CCNJL: variants seen among roughly 807,000 people sequenced by gnomAD.
CCNJL encodes cyclin J like.
A neutral mutation model predicts 33.4 loss-of-function variants in CCNJL; 33 were observed. The observed-to-expected ratio is 0.99, with a 90% CI of 0.75 to 1.32. The LOEUF (loss-of-function observed/expected upper bound fraction) is 1.32. CCNJL is among the 40% of genes most tolerant of loss of function. The pLI is 0.00. For synonymous variants in CCNJL, 227 were observed against 220.9 expected (o/e 1.03, Z -0.24); for missense variants, 512 against 499.7 (o/e 1.02, Z -0.23).
chr5:160,305,471 C>T (rs538854944), intron 2 of CCNJL, among the ~76,000 whole-genome samples: 3 of 152,292 alleles, frequency 2.0e-5, no homozygotes, highest in South Asian at 2.1e-4. Context: ...CAAATAAAGG[C>T]GACCTTGGCC....
At chr5:160,302,065 A>G (rs1403416787) in intron 2 of CCNJL, among the ~76,000 whole-genome samples, 1 of 152,188 alleles carries the variant, frequency 6.6e-6, no homozygotes, top group Admixed American at 6.5e-5. Context: ...ACATGAGTAT[A>G]TACATTTGTC....
intron 2 of CCNJL, among the ~76,000 whole-genome samples, chr5:160,307,153 C>T (rs553860949): frequency 3.6e-4 from 55 of 152,340 alleles, no homozygotes; most frequent in African/African-American, 1.3e-3. Flanking sequence ...GGGGCTGTCT[C>T]ACTCTTTTGT....
rs1188367730 is a variant in CCNJL at position 160,302,177 on chromosome 5, C to A, written c.66+9681G>T. 2.0e-5 allele frequency among the ~76,000 whole-genome samples: 3 copies of A among 152,120 alleles called. No homozygotes were observed. The East Asian group carries it at 5.8e-4, about 29-fold the overall frequency. Reference sequence around the variant, plus strand: ...TTTTAAAAAATGAATAAGCAGTCCCCTAAATATCCAACAATGAGATGAGTT... The same window carrying A: ...TTTTAAAAAATGAATAAGCAGTCCCATAAATATCCAACAATGAGATGAGTT... On this transcript the variant is annotated intron_variant, in intron 2 of 5. Transcript: ENST00000257536.
At chr5:160,301,280 G>C (rs918635046) in intron 2 of CCNJL, among the ~76,000 whole-genome samples, 1 of 152,160 alleles carries the variant, frequency 6.6e-6, no homozygotes, top group Non-Finnish European at 1.5e-5. Flanking sequence ...AAAAGGAGCA[G>C]GCAGAAAGGA....
chr5:160,323,699 G>A (rs1224196994), intron 1 of CCNJL, among the ~76,000 whole-genome samples: 2 of 152,302 alleles, frequency 1.3e-5, no homozygotes, highest in South Asian at 2.1e-4. Flanking sequence ...TTAGTTAAAC[G>A]CTGATCTGGG....
chr5:160,287,648 G>A (rs147083445), intron 2 of CCNJL, among the ~76,000 whole-genome samples: 4 of 152,328 alleles, frequency 2.6e-5, no homozygotes, highest in Non-Finnish European at 4.4e-5. Context: ...CCGCAGCAGC[G>A]CAGTGCAGGA....
In CCNJL at chr5:160,300,090, T is replaced by C. The variant is rs186078496; in HGVS notation, c.66+11768A>G. ...CCCCCAACCCTTCCACCCAAATCAC[T>C]TGATGACCACTTCCAGACTTAGCAG... On this transcript the variant is annotated intron_variant, in intron 2 of 5. Coordinates refer to ENST00000257536, the MANE Select transcript of CCNJL (RefSeq NM_001308173.3). 2.0e-3 allele frequency among the ~76,000 whole-genome samples: 297 copies of C among 152,184 alleles called. 3 individuals are homozygous for C. The highest frequency in any genetic ancestry group is 6.7e-3 in the African/African-American group (276 of 41,498).
At chr5:160,298,675 A>G (rs903456105) in intron 2 of CCNJL, among the ~76,000 whole-genome samples, 1 of 151,442 alleles carries the variant, frequency 6.6e-6, no homozygotes, top group Admixed American at 6.5e-5. Flanking sequence ...TCTGGGAGTC[A>G]GGGACGGCTT....
At chr5:160,338,565 A>G (rs549761657) in intron 1 of CCNJL, among the ~76,000 whole-genome samples, 1 of 152,308 alleles carries the variant, frequency 6.6e-6, no homozygotes, top group Non-Finnish European at 1.5e-5. Flanking sequence ...ATTAAGAAAG[A>G]GAAGGATTGG....
intron 3 of CCNJL, among the ~76,000 whole-genome samples, chr5:160,264,176 C>T (rs745827020): frequency 2.0e-4 from 30 of 152,112 alleles, no homozygotes; most frequent in South Asian, 4.1e-4. Flanking sequence ...CTGCCCGCCC[C>T]GGCCTCCCCA....
intron 1 of CCNJL, among the ~76,000 whole-genome samples, chr5:160,321,265 C>T (rs1763460089): frequency 6.6e-6 from 1 of 151,994 alleles, no homozygotes; most frequent in African/African-American, 2.4e-5. Context: ...AAATAAAAGG[C>T]ACCATTAACT....
upstream of CCNJL, among the ~76,000 whole-genome samples, chr5:160,315,670 T>C (rs1763373193): frequency 6.6e-6 from 1 of 151,806 alleles, no homozygotes. Context: ...TGGTAAATTT[T>C]AATTTACCTT....
intron 2 of CCNJL, among the ~76,000 whole-genome samples, chr5:160,298,641 T>C (rs1762825018): frequency 6.6e-6 from 1 of 152,162 alleles, no homozygotes; most frequent in African/African-American, 2.4e-5. Flanking sequence ...TCTGAGAACA[T>C]ACAAAAGGCC....
chr5:160,336,169 T>C (rs1763682197), intron 1 of CCNJL, among the ~76,000 whole-genome samples: 1 of 152,246 alleles, frequency 6.6e-6, no homozygotes, highest in Non-Finnish European at 1.5e-5. Flanking sequence ...TACATTCAAC[T>C]ACCCATTTGC....
chr5:160,331,991 C>T (rs1763613449), intron 1 of CCNJL, among the ~76,000 whole-genome samples: 1 of 152,158 alleles, frequency 6.6e-6, no homozygotes, highest in South Asian at 2.1e-4. Flanking sequence ...AACCAAGCCT[C>T]TGGTGAGTCT....
intron 2 of CCNJL, among the ~76,000 whole-genome samples, chr5:160,308,048 G>A (rs987092911): frequency 2.0e-5 from 3 of 152,110 alleles, no homozygotes; most frequent in African/African-American, 7.2e-5. Flanking sequence ...ACCATCATAG[G>A]ACCAATGGTC....
At chr5:160,264,818 T>C (rs1025944298) in intron 3 of CCNJL, among the ~76,000 whole-genome samples, 1 of 152,168 alleles carries the variant, frequency 6.6e-6, no homozygotes, top group Non-Finnish European at 1.5e-5. Context: ...CTACCTACTG[T>C]CCTGGCAATC....
intron 2 of CCNJL, among the ~76,000 whole-genome samples, chr5:160,311,232 G>C (rs1378963965): frequency 4.6e-5 from 7 of 152,082 alleles, no homozygotes; most frequent in African/African-American, 1.7e-4. Flanking sequence ...ACCGGCAGGG[G>C]AGTTTTTGTT....
At chr5:160,288,598 T>C (rs775854006) in intron 2 of CCNJL, among the ~76,000 whole-genome samples, 7 of 152,054 alleles carry the variant, frequency 4.6e-5, no homozygotes, top group Non-Finnish European at 7.4e-5. Flanking sequence ...CAGCCAGGTG[T>C]GGTGGCTCAC....
Sources: gnomAD v4.1 joint callset for allele counts (sites outside exome capture counted in the v4.1 genomes callset) on GRCh38, gnomAD v4.1.1 for gene constraint, MANE v1.5 for transcripts, NCBI Gene and HGNC (gene_info 2026-07-23, HGNC 2026-07-21) for gene names.